The following FBXL17 variants were observed in gnomAD, a reference collection of about 807,000 sequenced individuals.
The protein encoded by FBXL17 is F-box and leucine rich repeat protein 17, also known as F-box/LRR-repeat protein 17.
In FBXL17, 22 loss-of-function variants were observed where a neutral mutation model predicts 66.2. The observed-to-expected ratio is 0.33, with a 90% confidence interval of 0.24 to 0.47. FBXL17 has a LOEUF of 0.47. Ranked by LOEUF, FBXL17 falls within the 20% of genes least tolerant of loss-of-function variation. The pLI is 1.00. For synonymous variants in FBXL17, 474 were observed against 400.5 expected (o/e 1.18, Z -2.19); for missense variants, 878 against 948.2 (o/e 0.93, Z 0.97).
intron 6 of FBXL17, among the ~76,000 whole-genome samples, chr5:108,027,894 C>G (rs528127679): frequency 6.6e-6 from 1 of 152,184 alleles, no homozygotes; most frequent in African/African-American, 2.4e-5. Flanking sequence ...TGCTAAGAAA[C>G]CTCCTCCATC....
At chr5:108,016,664 T>C (rs1456492058) in intron 7 of FBXL17, among the ~76,000 whole-genome samples, 1 of 152,140 alleles carries the variant, frequency 6.6e-6, no homozygotes, top group East Asian at 1.9e-4. Flanking sequence ...CCAAGAGAAA[T>C]ACCACTTCCT....
intron 6 of FBXL17, among the ~76,000 whole-genome samples, chr5:108,067,444 C>G (rs1748159191): frequency 6.6e-6 from 1 of 152,070 alleles, no homozygotes; most frequent in Non-Finnish European, 1.5e-5. Context: ...CAAATTACTA[C>G]TATAAATAAC....
intron 6 of FBXL17, among the ~76,000 whole-genome samples, chr5:108,106,485 G>A (rs1374674820): frequency 6.6e-6 from 1 of 152,110 alleles, no homozygotes; most frequent in African/African-American, 2.4e-5. Flanking sequence ...TAGCAAAAAA[G>A]TAGCAACAAC....
At chr5:108,208,748 G>A (rs1754236830) in intron 5 of FBXL17, among the ~76,000 whole-genome samples, 1 of 152,154 alleles carries the variant, frequency 6.6e-6, no homozygotes, top group Admixed American at 6.5e-5. Flanking sequence ...GTAGCATGAT[G>A]CCTCCAGCTT....
At chr5:108,194,062 C>G (rs923832873) in intron 5 of FBXL17, among the ~76,000 whole-genome samples, 14 of 152,126 alleles carry the variant, frequency 9.2e-5, no homozygotes, top group Non-Finnish European at 7.3e-5. Flanking sequence ...CCCACCTTCT[C>G]CAAAGCCTTT....
chr5:107,897,855 G>T (rs950506490), intron 7 of FBXL17, among the ~76,000 whole-genome samples: 7 of 151,422 alleles, frequency 4.6e-5, no homozygotes, highest in African/African-American at 1.7e-4. Flanking sequence ...GACTTCACAG[G>T]ATTTATGACA....
intron 4 of FBXL17, among the ~76,000 whole-genome samples, chr5:108,337,704 A>C (rs946102585): frequency 3.9e-4 from 30 of 76,970 alleles, no homozygotes; most frequent in African/African-American, 1.3e-3. Flanking sequence ...ACAAGTACAA[A>C]AAGTAAAAAA....
chr5:107,869,630 A>C (rs994175242), intron 8 of FBXL17, among the ~76,000 whole-genome samples: 14 of 151,344 alleles, frequency 9.3e-5, no homozygotes, highest in Non-Finnish European at 1.3e-4. Flanking sequence ...TTATAATTCT[A>C]TCTCTCTCCC....
intron 7 of FBXL17, among the ~76,000 whole-genome samples, chr5:107,891,132 C>T (rs1379014925): frequency 6.6e-6 from 1 of 152,102 alleles, no homozygotes; most frequent in Non-Finnish European, 1.5e-5. Flanking sequence ...TTGACAAAAA[C>T]CTGAAACGGT....
At chr5:108,051,236 T>G (rs1580374692) in intron 6 of FBXL17, among the ~76,000 whole-genome samples, 1 of 152,192 alleles carries the variant, frequency 6.6e-6, no homozygotes, top group Non-Finnish European at 1.5e-5. Flanking sequence ...ACTCATTTTA[T>G]GAAGTCAGCA....
intron 6 of FBXL17, among the ~76,000 whole-genome samples, chr5:108,181,209 A>G (rs1277605811): frequency 6.6e-6 from 1 of 152,246 alleles, no homozygotes; most frequent in African/African-American, 2.4e-5. Flanking sequence ...GAAATAATAA[A>G]GACTGATATA....
At chr5:108,058,820 T>C (rs1747812919) in intron 6 of FBXL17, among the ~76,000 whole-genome samples, 1 of 152,200 alleles carries the variant, frequency 6.6e-6, no homozygotes, top group South Asian at 2.1e-4. Flanking sequence ...CTACAGAAGT[T>C]GCCCCTCAAA....
At chr5:108,244,174 T>C (rs564553010) in intron 4 of FBXL17, among the ~76,000 whole-genome samples, 39 of 152,286 alleles carry the variant, frequency 2.6e-4, no homozygotes, top group African/African-American at 9.1e-4. Flanking sequence ...TCTACCTCCA[T>C]TTACTAGTTC....
chr5:108,061,827 T>A (rs1160379228), intron 6 of FBXL17, among the ~76,000 whole-genome samples: 1 of 151,956 alleles, frequency 6.6e-6, no homozygotes, highest in Non-Finnish European at 1.5e-5. Flanking sequence ...TTGTTACAGG[T>A]TTGGGTTTCT....
intron 7 of FBXL17, among the ~76,000 whole-genome samples, chr5:108,018,283 G>A (rs531013767): frequency 3.7e-4 from 56 of 152,136 alleles, no homozygotes; most frequent in Non-Finnish European, 7.5e-4. Flanking sequence ...GTTTCTACTC[G>A]TCCAGTCAAA....
chr5:107,982,326 A>G (rs1752860470), intron 7 of FBXL17, among the ~76,000 whole-genome samples: 1 of 152,180 alleles, frequency 6.6e-6, no homozygotes, highest in Non-Finnish European at 1.5e-5. Context: ...TTATCTACAC[A>G]AAAGGCTTTT....
At chr5:108,160,213 T>C (rs1479553207) in intron 6 of FBXL17, among the ~76,000 whole-genome samples, 2 of 152,192 alleles carry the variant, frequency 1.3e-5, no homozygotes, top group African/African-American at 2.4e-5. Flanking sequence ...CAATAATCTC[T>C]TCTCTGCAGC....
intron 2 of FBXL17, 122 bp from the exon 3 acceptor site, chr5:108,365,117 TC>T (rs1313608770): frequency 3.0e-6 from 2 of 656,722 alleles, no homozygotes; most frequent in African/African-American, 3.6e-5. Flanking sequence ...AACGATATAA[TC>T]AAAAGAGAAA....
chr5:108,207,533 T>C (rs1013241232), intron 5 of FBXL17, among the ~76,000 whole-genome samples: 1 of 152,098 alleles, frequency 6.6e-6, no homozygotes. Flanking sequence ...CCTATGTCCA[T>C]GTGTTCTCAT....
Sources: gnomAD v4.1 joint callset for allele counts (sites outside exome capture counted in the v4.1 genomes callset) on GRCh38, gnomAD v4.1.1 for gene constraint, MANE v1.5 for transcripts, NCBI Gene and HGNC (gene_info 2026-07-23, HGNC 2026-07-21) for gene names.